The following FAM3B variants were observed in gnomAD, a reference collection of about 807,000 sequenced individuals.
The protein encoded by FAM3B is FAM3 metabolism regulating signaling molecule B.
In FAM3B, 29 loss-of-function variants were observed where a neutral mutation model predicts 28.4. That is an observed-to-expected ratio of 1.02 (90% CI 0.76 to 1.39). The LOEUF (loss-of-function observed/expected upper bound fraction) is 1.39. Among genes scored for constraint, FAM3B ranks in the 40% most tolerant of loss-of-function variants. FAM3B has a pLI of 0.00. For missense variants in FAM3B, 266 were observed against 293.9 expected (o/e 0.91, Z 0.69); for synonymous variants, 91 against 103.0 (o/e 0.88, Z 0.71).
chr21:41,324,997 G>T (rs2088843151), intron 2 of FAM3B, among the ~76,000 whole-genome samples: 1 of 152,204 alleles, frequency 6.6e-6, no homozygotes, highest in African/African-American at 2.4e-5. Flanking sequence ...AGCTACTCGG[G>T]AGGCTGAGGC....
intron 2 of FAM3B, among the ~76,000 whole-genome samples, chr21:41,327,403 G>A (rs1166227561): frequency 1.3e-5 from 2 of 152,216 alleles, no homozygotes; most frequent in Non-Finnish European, 2.9e-5. Flanking sequence ...CGTGTGACTT[G>A]CACAGGAGCC....
At chr21:41,347,964 A>C (rs957670106) in intron 6 of FAM3B, among the ~76,000 whole-genome samples, 3 of 152,134 alleles carry the variant, frequency 2.0e-5, no homozygotes, top group African/African-American at 7.2e-5. Flanking sequence ...AGCATTTCCC[A>C]AATTTATCAG....
intron 2 of FAM3B, among the ~76,000 whole-genome samples, chr21:41,330,479 A>G (rs911823073): frequency 6.6e-6 from 1 of 152,214 alleles, no homozygotes; most frequent in African/African-American, 2.4e-5. Context: ...GGACCACTGT[A>G]TATTGTTATT....
intron 2 of FAM3B, among the ~76,000 whole-genome samples, chr21:41,329,411 A>T (rs1478967631): frequency 6.6e-6 from 1 of 152,120 alleles, no homozygotes; most frequent in African/African-American, 2.4e-5. Flanking sequence ...CTCCCTGCCT[A>T]TTAGTCACTT....
At chr21:41,311,249 A>AAAATATATAT (rs1361578024) in intron 1 of FAM3B, among the ~76,000 whole-genome samples, 1 of 56,650 alleles carries the variant, frequency 1.8e-5, no homozygotes, top group East Asian at 7.6e-4. Context: ...AAAAAAAAAA[A>AAAATATATAT]AAATATATAT....
Position 41,355,556 on chromosome 21 carries a change from G to GAAACAAAC in FAM3B, c.619-1534_619-1527dup, listed in dbSNP as rs3037007. ...GATGAACCTTGAAAACAGGCTAAGT[G>GAAACAAAC]AAACAAACAAACAAACAAACAAACA... On this transcript the variant is annotated intron_variant, in intron 7 of 7. Transcript: ENST00000357985. Among the ~76,000 whole-genome samples the GAAACAAAC allele has an allele frequency of 1.5e-3, 228 of 151,214 alleles. 1 individual carries two copies. The highest frequency in any genetic ancestry group is 0.01 in the Middle Eastern group (3 of 286).
At chr21:41,334,479 C>T (rs1036800742) in intron 2 of FAM3B, among the ~76,000 whole-genome samples, 12 of 152,086 alleles carry the variant, frequency 7.9e-5, no homozygotes, top group African/African-American at 2.4e-4. Flanking sequence ...TCAAAGGGGC[C>T]CAGGTATAGC....
Position 41,317,005 on chromosome 21 carries a change from G to C in FAM3B, c.19+107G>C, listed in dbSNP as rs1601347323. On this transcript the variant is annotated intron_variant, in intron 1 of 7. Coordinates refer to ENST00000357985, the MANE Select transcript of FAM3B (RefSeq NM_058186.4). ...GGGACCCGCCACGCTTAGCAAAAGCGGGAGGGCTGGTTCTTGGCGCCGAGG... is the reference window on the plus strand; with the variant it reads ...GGGACCCGCCACGCTTAGCAAAAGCCGGAGGGCTGGTTCTTGGCGCCGAGG... 1.2e-5 allele frequency: 12 copies of C among 1,035,006 alleles called. No homozygotes were observed. In the East Asian group the frequency reaches 3.6e-4, roughly 31 times the overall value. 64.1% of individuals were successfully genotyped at this position (1,035,006 alleles called of 1,614,324 possible).
intron 1 of FAM3B, among the ~76,000 whole-genome samples, chr21:41,307,388 A>G (rs1360681518): frequency 1.3e-5 from 2 of 152,244 alleles, no homozygotes; most frequent in African/African-American, 2.4e-5. Context: ...AACTTTCTCC[A>G]TATCAGTAAC....
At chr21:41,341,762 G>T (rs1260305323) in intron 3 of FAM3B, among the ~76,000 whole-genome samples, 1 of 152,156 alleles carries the variant, frequency 6.6e-6, no homozygotes, top group African/African-American at 2.4e-5. Flanking sequence ...CCCAGTTTGG[G>T]GTTATTATGA....
intron 7 of FAM3B, among the ~76,000 whole-genome samples, chr21:41,352,832 G>A (rs1012544306): frequency 5.3e-5 from 3 of 56,228 alleles, no homozygotes; most frequent in Non-Finnish European, 1.0e-4. Context: ...AATAAAGGAA[G>A]AAGTAAAACT....
rs915810209 is a variant in FAM3B at position 41,329,696 on chromosome 21, A to G, written c.163+6630A>G. The stretch of plus-strand genomic sequence containing the variant: ...GCGATTCTCCTGCCTCAGCCTCCCA[A>G]GTAGCTGGGATTACAGGTGCTCACC... On this transcript the variant is annotated intron_variant, in intron 2 of 7. Transcript: ENST00000357985. Among the ~76,000 whole-genome samples, 4 of 152,118 alleles carry G rather than the reference A, an allele frequency of 2.6e-5. No homozygotes were observed. The East Asian group carries it at 5.8e-4, about 22-fold the overall frequency.
chr21:41,354,807 A>G (rs2089151515), intron 7 of FAM3B, among the ~76,000 whole-genome samples: 1 of 150,440 alleles, frequency 6.6e-6, no homozygotes, highest in African/African-American at 2.5e-5. Context: ...TATGGAACAA[A>G]CCTGCACATC....
At chr21:41,352,714 A>C (rs1051704295) in intron 7 of FAM3B, among the ~76,000 whole-genome samples, 43 of 152,124 alleles carry the variant, frequency 2.8e-4, no homozygotes, top group African/African-American at 1.0e-3. Flanking sequence ...GAATCGCTTG[A>C]AACCAGAAGG....
At chr21:41,353,275 AG>A (rs1295924128) in intron 7 of FAM3B, among the ~76,000 whole-genome samples, 1 of 152,232 alleles carries the variant, frequency 6.6e-6, no homozygotes, top group African/African-American at 2.4e-5. Flanking sequence ...CTAGAATCCA[AG>A]TTGATATATT....
chr21:41,356,292 A>C (rs1359740905), intron 7 of FAM3B, among the ~76,000 whole-genome samples: 1 of 152,178 alleles, frequency 6.6e-6, no homozygotes, highest in East Asian at 1.9e-4. Context: ...AAATATTGTA[A>C]ATTGAAAATT....
chr21:41,321,911 C>T (rs1244317556), intron 1 of FAM3B, among the ~76,000 whole-genome samples: 1 of 152,018 alleles, frequency 6.6e-6, no homozygotes, highest in African/African-American at 2.4e-5. Context: ...TTTCCTTTTT[C>T]CTCCTTTCCT....
At chr21:41,349,491 C>T (rs1296220152) in intron 7 of FAM3B, among the ~76,000 whole-genome samples, 1 of 152,198 alleles carries the variant, frequency 6.6e-6, no homozygotes, top group African/African-American at 2.4e-5. Flanking sequence ...GCCTCCTTTC[C>T]ACTTAGCCAG....
At chr21:41,310,819 A>T (rs185778538) in intron 1 of FAM3B, among the ~76,000 whole-genome samples, 2 of 152,226 alleles carry the variant, frequency 1.3e-5, no homozygotes, top group Non-Finnish European at 2.9e-5. Context: ...GGGCAGCTGC[A>T]TAAGTAATGA....
Sources: gnomAD v4.1 joint callset for allele counts (sites outside exome capture counted in the v4.1 genomes callset) on GRCh38, gnomAD v4.1.1 for gene constraint, MANE v1.5 for transcripts, NCBI Gene and HGNC (gene_info 2026-07-23, HGNC 2026-07-21) for gene names.